The following UPRT variants were observed in gnomAD, a reference collection of about 807,000 sequenced individuals.
UPRT encodes RP11-311P8.3.
In UPRT, 5 loss-of-function variants were observed where a neutral mutation model predicts 22.6. The ratio of observed to expected loss-of-function variants is 0.22; its 90% confidence interval spans 0.12 to 0.47. UPRT has a LOEUF of 0.47. UPRT is among the 20% of genes least tolerant of loss of function. The probability of loss-of-function intolerance (pLI) is 0.99; values close to 1 mark genes in which losing one functional copy is unlikely to be tolerated. For synonymous variants in UPRT, 77 were observed against 87.7 expected, an observed-to-expected ratio of 0.88 and a Z score of 0.68; for missense variants, 181 against 239.9, an observed-to-expected ratio of 0.75 and a Z score of 1.62.
intron 4 of UPRT, among the ~76,000 whole-genome samples, chrX:75,259,705 C>A (rs183275225): frequency 3.6e-5 from 4 of 111,054 alleles, no homozygotes; most frequent in Non-Finnish European, 7.5e-5. Context: ...TCCAGGAGAA[C>A]TTCCCCAACA....
intron 1 of UPRT, chrX:75,291,549 T>C (rs1347453749): frequency 1.5e-5 from 3 of 194,095 alleles, no homozygotes; most frequent in Non-Finnish European, 2.8e-5. Flanking sequence ...ACATGCAGCT[T>C]CATTGATACA....
chrX:75,263,131 A>T (rs2082574545), intron 4 of UPRT, among the ~76,000 whole-genome samples: 1 of 111,976 alleles, frequency 8.9e-6, no homozygotes, highest in Non-Finnish European at 1.9e-5. Flanking sequence ...CAATCAAATT[A>T]GAACTCAGGA....
intron 4 of UPRT, among the ~76,000 whole-genome samples, chrX:75,228,566 A>C (rs1301376447): frequency 8.9e-6 from 1 of 111,987 alleles, no homozygotes; most frequent in African/African-American, 3.2e-5. Flanking sequence ...GCAGAATTGC[A>C]TTCTCTTTCT....
intron 4 of UPRT, among the ~76,000 whole-genome samples, chrX:75,244,498 T>C (rs753633056): frequency 3.6e-5 from 4 of 111,831 alleles, no homozygotes; most frequent in South Asian, 3.7e-4. Flanking sequence ...TCACATTACC[T>C]GACTTCAAAC....
At chrX:75,246,171 T>C (rs1436278463) in intron 4 of UPRT, among the ~76,000 whole-genome samples, 4 of 109,323 alleles carry the variant, frequency 3.7e-5, no homozygotes, top group African/African-American at 6.6e-5. Context: ...TTGTTACATA[T>C]GTATACATGT....
At chrX:75,271,804 A>G (rs1472361087), upstream of UPRT, among the ~76,000 whole-genome samples, 1 of 111,558 alleles carries the variant, frequency 9.0e-6, no homozygotes, top group Non-Finnish European at 1.9e-5. Context: ...AGACAAAAAC[A>G]AACAATCCCA....
intron 4 of UPRT, among the ~76,000 whole-genome samples, chrX:75,212,917 C>T (rs2082383688): frequency 8.9e-6 from 1 of 111,941 alleles, no homozygotes; most frequent in South Asian, 3.8e-4. Context: ...ACATGCATAT[C>T]CTGCACATGT....
intron 4 of UPRT, among the ~76,000 whole-genome samples, chrX:75,198,673 A>G (rs974176579): frequency 1.8e-5 from 2 of 111,939 alleles, no homozygotes; most frequent in African/African-American, 6.5e-5. Context: ...TGAAGAAATG[A>G]TAAAAATGCA....
At position 75,180,681 on chromosome X, in the gene UPRT, G is replaced by GTTTTTTTTTTTTGTTTTTTTTTTT. The variant is rs2082266200; in HGVS notation, c.-447+12814_-447+12815insGTTTTTTTTTTTTTTTTTTTTTTT. ...GTCTTCCATCTTCCCCCTTTTCTCTGTTTTTTTTTTTTTGTTTTTTTTTTT... is the reference window on the plus strand; with the variant it reads ...GTCTTCCATCTTCCCCCTTTTCTCTGTTTTTTTTTTTTGTTTTTTTTTTTTTTTTTTTTTTTTGTTTTTTTTTTT... On this transcript the variant is annotated intron_variant, in intron 4 of 13. Coordinates refer to the UPRT transcript ENST00000652605. Among the ~76,000 whole-genome samples, 35 of 43,889 alleles carry GTTTTTTTTTTTTGTTTTTTTTTTT rather than the reference G, an allele frequency of 8.0e-4. 1 individual carries two copies. Among genetic ancestry groups the GTTTTTTTTTTTTGTTTTTTTTTTT allele is most frequent in the East Asian group, 2.6e-3 (3 of 1,153 alleles). The allele number at this position is 43,889 out of a possible 115,157, so 38.1% of individuals were successfully genotyped here. A position where few individuals can be genotyped will look rare whatever the true frequency, so the allele number is the denominator to read the frequency against.
chrX:75,183,451 T>G (rs943381177), intron 4 of UPRT, among the ~76,000 whole-genome samples: 10 of 112,193 alleles, frequency 8.9e-5, no homozygotes, highest in African/African-American at 2.9e-4. Flanking sequence ...GTTCCAAGTC[T>G]TCGCTATTGT....
intron 1 of UPRT, among the ~76,000 whole-genome samples, chrX:75,287,434 A>G (rs934801343): frequency 9.0e-6 from 1 of 111,526 alleles, no homozygotes; most frequent in Admixed American, 9.5e-5. Flanking sequence ...TAGTTTATTG[A>G]AAGAAAGATC....
chrX:75,174,047 C>T (rs1255636643), intron 4 of UPRT, among the ~76,000 whole-genome samples: 3 of 111,614 alleles, frequency 2.7e-5, no homozygotes, highest in African/African-American at 9.7e-5. Context: ...GGGGCTCCCA[C>T]AGTGCAGTGG....
chrX:75,185,859 G>C (rs1240759474), intron 4 of UPRT, among the ~76,000 whole-genome samples: 1 of 111,363 alleles, frequency 9.0e-6, no homozygotes, highest in Non-Finnish European at 1.9e-5. Flanking sequence ...TGTGGGATTG[G>C]TGGTGATATC....
At chrX:75,169,535 T>C (rs770771676) in intron 4 of UPRT, among the ~76,000 whole-genome samples, 1 of 112,324 alleles carries the variant, frequency 8.9e-6, no homozygotes, top group African/African-American at 3.2e-5. Context: ...GTTGACTCAA[T>C]GATCATTTAG....
At chrX:75,194,856 G>T (rs1167975778) in intron 4 of UPRT, among the ~76,000 whole-genome samples, 1 of 110,915 alleles carries the variant, frequency 9.0e-6, no homozygotes, top group Non-Finnish European at 1.9e-5. Flanking sequence ...GGGGACATTG[G>T]CCTGCATGCC....
chrX:75,230,420 T>C (rs2082434773), intron 4 of UPRT, among the ~76,000 whole-genome samples: 2 of 111,578 alleles, frequency 1.8e-5, no homozygotes, highest in African/African-American at 3.3e-5. Context: ...CTGGCCAACA[T>C]AGGGCAAGAT....
intron 4 of UPRT, among the ~76,000 whole-genome samples, chrX:75,203,516 TCA>T (rs368566812): frequency 0.034 from 2,184 of 64,190 alleles, 37 homozygotes; most frequent in African/African-American, 0.061. Context: ...ACACACACAC[TCA>T]CACACACACA....
At chrX:75,164,600 A>G (rs1458342498) in intron 3 of UPRT, among the ~76,000 whole-genome samples, 1 of 112,061 alleles carries the variant, frequency 8.9e-6, no homozygotes, top group Admixed American at 9.5e-5. Context: ...TAGATTAGTG[A>G]TTGCCTAGTG....
At chrX:75,271,965 T>C (rs1464612769), upstream of UPRT, among the ~76,000 whole-genome samples, 3 of 111,017 alleles carry the variant, frequency 2.7e-5, no homozygotes, top group African/African-American at 9.8e-5. Flanking sequence ...CTTGCAAGAA[T>C]GGCCATAATC....
Sources: gnomAD v4.1 joint callset for allele counts (sites outside exome capture counted in the v4.1 genomes callset) on GRCh38, gnomAD v4.1.1 for gene constraint, MANE v1.5 for transcripts, NCBI Gene and HGNC (gene_info 2026-07-23, HGNC 2026-07-21) for gene names.